Variants in GREB1 observed in about 807,000 individuals in gnomAD.
GREB1 encodes protein GREB1.
GREB1 carries 106 observed loss-of-function variants against 200.7 expected under a neutral mutation model. The ratio of observed to expected loss-of-function variants is 0.53; its 90% CI spans 0.45 to 0.62. GREB1 has a LOEUF of 0.62. Among genes scored for constraint, GREB1 ranks in the 20% least tolerant of loss-of-function variants. The pLI, the probability that GREB1 is intolerant of heterozygous loss-of-function variation, is 0.00. For missense variants in GREB1, 2,243 were observed against 2,556.8 expected, an observed-to-expected ratio of 0.88 and a Z score of 2.65; for synonymous variants, 1,132 against 1,092.4, an observed-to-expected ratio of 1.04 and a Z score of -0.72.
At chr2:11,595,981 A>T (rs1386467555) in intron 12 of GREB1, 130 bp from the exon 13 acceptor site, 2 of 814,586 alleles carry the variant, frequency 2.5e-6, no homozygotes, top group African/African-American at 3.4e-5. Flanking sequence ...CCTTGACAGG[A>T]CGGGCCATGT....
intron 1 of GREB1, among the ~76,000 whole-genome samples, chr2:11,520,665 C>A (rs949708479): frequency 1.3e-5 from 2 of 152,178 alleles, no homozygotes; most frequent in African/African-American, 4.8e-5. Flanking sequence ...TTACAGATGG[C>A]AAAGTATCTT....
intron 1 of GREB1, among the ~76,000 whole-genome samples, chr2:11,523,115 A>T (rs990709325): frequency 3.9e-5 from 6 of 152,204 alleles, no homozygotes; most frequent in Admixed American, 1.3e-4. Context: ...TCCTTAGCAG[A>T]CTAACACAGG....
chr2:11,490,621 T>C (rs962800041), intron 1 of GREB1, among the ~76,000 whole-genome samples: 1 of 152,228 alleles, frequency 6.6e-6, no homozygotes, highest in Non-Finnish European at 1.5e-5. Flanking sequence ...CCATCTCAGC[T>C]CACTGCAACC....
In GREB1 at chr2:11,578,943, C is replaced by T. The variant is rs570491478; in HGVS notation, c.772+512C>T. On this transcript the variant is annotated intron_variant, in intron 6 of 32. Coordinates refer to ENST00000381486, the MANE Select transcript of GREB1 (RefSeq NM_014668.4). Reference sequence around the variant, plus strand: ...GGTGCTTGCCTAGGACCTCGTGGGCCGGAGGAGGTGGAGGCAAGAGGTGAC... The same window carrying T: ...GGTGCTTGCCTAGGACCTCGTGGGCTGGAGGAGGTGGAGGCAAGAGGTGAC... Among the ~76,000 whole-genome samples the T allele has an allele frequency of 4.6e-5, 7 of 152,216 alleles. No homozygotes were observed. The East Asian group carries it at 5.8e-4, about 13-fold the overall frequency.
At chr2:11,587,856 A>T in intron 9 of GREB1, 1 of 1,017,314 alleles carries the variant, frequency 9.8e-7, no homozygotes, top group Non-Finnish European at 1.2e-6. Context: ...GCTTAGCATC[A>T]TGTAGGTAAA....
intron 15 of GREB1, 35 bp from the exon 16 acceptor site, chr2:11,600,765 A>T: frequency 6.5e-7 from 1 of 1,548,190 alleles, no homozygotes; most frequent in Non-Finnish European, 8.9e-7. Context: ...AAAACAATAT[A>T]GTAATTCCAC....
intron 13 of GREB1, 147 bp downstream of exon 13, chr2:11,596,386 A>T: frequency 6.5e-5 from 11 of 168,652 alleles, no homozygotes; most frequent in South Asian, 1.2e-4. Context: ...GTGTATAGTG[A>T]GGGGGGACGG....
chr2:11,505,469 A>G (rs968741989), intron 1 of GREB1, among the ~76,000 whole-genome samples: 1 of 152,124 alleles, frequency 6.6e-6, no homozygotes, highest in South Asian at 2.1e-4. Context: ...CAGCTCTTCT[A>G]TACTTCCCTG....
intron 1 of GREB1, among the ~76,000 whole-genome samples, chr2:11,527,008 C>T (rs1673899780): frequency 6.6e-6 from 1 of 152,074 alleles, no homozygotes; most frequent in Admixed American, 6.5e-5. Flanking sequence ...ATGCCTCATC[C>T]TCCCTACACA....
At chr2:11,531,534 G>C (rs551676743), upstream of GREB1, among the ~76,000 whole-genome samples, 7 of 152,040 alleles carry the variant, frequency 4.6e-5, no homozygotes, top group East Asian at 1.4e-3. Context: ...TATAATTCTT[G>C]CTTTTATTTT....
At chr2:11,559,962 G>A (rs1378897246) in intron 2 of GREB1, among the ~76,000 whole-genome samples, 1 of 152,154 alleles carries the variant, frequency 6.6e-6, no homozygotes, top group Admixed American at 6.6e-5. Flanking sequence ...CTTCCCACCT[G>A]CTGGAAACGT....
chr2:11,568,827 G>A (rs1677966047), intron 4 of GREB1, among the ~76,000 whole-genome samples: 1 of 152,228 alleles, frequency 6.6e-6, no homozygotes, highest in South Asian at 2.1e-4. Context: ...CATCTGAAAT[G>A]GGTGACAAGG....
At chr2:11,610,641 C>A in intron 17 of GREB1, 47 bp from the exon 18 acceptor site, 3 of 1,431,404 alleles carry the variant, frequency 2.1e-6, no homozygotes, top group Non-Finnish European at 1.9e-6. Context: ...AGCAGCAGGC[C>A]GGTGGGCGCG....
In GREB1 at chr2:11,610,712, G is replaced by A; in HGVS notation, c.2691G>A (p.Val897=). Residue 897 remains valine, a synonymous_variant, in exon 18 of 33, where the codon GTG becomes GTA. Transcript: ENST00000381486. ...GKRFPRLHSA[V]IRTFVLVQHY... ...GGTTCCCCCGCCTGCACAGCGCGGTGATCAGGACCTTTGTTCTCGTGCAGC... is the reference window on the plus strand; with the variant it reads ...GGTTCCCCCGCCTGCACAGCGCGGTAATCAGGACCTTTGTTCTCGTGCAGC... 4 of 1,613,124 alleles carry A rather than the reference G, an allele frequency of 2.5e-6. No individual in the cohort carries two copies. The highest frequency in any genetic ancestry group is 3.4e-6 in the Non-Finnish European group (4 of 1,179,940).
At chr2:11,487,563 CTG>C (rs1011729323) in intron 1 of GREB1, among the ~76,000 whole-genome samples, 2 of 152,208 alleles carry the variant, frequency 1.3e-5, no homozygotes, top group African/African-American at 4.8e-5. Flanking sequence ...GTGTGAGAGA[CTG>C]AGCCCTTCAG....
rs746195441 is a variant in GREB1, at chr2:11,592,884, C to A, written c.1454C>A (p.Pro485His). The A allele has an allele frequency of 1.1e-5, 17 of 1,598,722 alleles. No individual in the cohort carries two copies. Among genetic ancestry groups the A allele is most frequent in the Non-Finnish European group, 1.4e-5 (16 of 1,173,952 alleles). The stretch of plus-strand genomic sequence containing the variant: ...CAGTACCAGCAGGCGCCGCCGCAGC[C>A]CTTCCCGCCCGCGCCCAGCGCCGCG... Reference protein sequence around the residue: ...IRQYQQAPPQPFPPAPSAAAP... With the variant: ...IRQYQQAPPQHFPPAPSAAAP... The change falls in exon 11 of 33, where the codon CCC becomes CAC. Residue 485 changes from proline (P) to histidine (H), a missense_variant. Transcript: ENST00000381486.
At chr2:11,588,083 G>A (rs1405144593) in intron 9 of GREB1, 17 of 481,402 alleles carry the variant, frequency 3.5e-5, no homozygotes, top group South Asian at 2.6e-4. Flanking sequence ...AAAATTGGCC[G>A]GGTGTGGTGG....
intron 11 of GREB1, among the ~76,000 whole-genome samples, chr2:11,593,529 C>T (rs1680938406): frequency 6.6e-6 from 1 of 152,176 alleles, no homozygotes; most frequent in African/African-American, 2.4e-5. Flanking sequence ...CTCTGTTGCC[C>T]AGGCTGGAGT....
At chr2:11,555,154 T>C (rs915902986) in intron 1 of GREB1, among the ~76,000 whole-genome samples, 3 of 152,154 alleles carry the variant, frequency 2.0e-5, no homozygotes, top group African/African-American at 7.2e-5. Flanking sequence ...TTTGAAAAGT[T>C]TGGAAAAAGT....
Sources: allele counts gnomAD v4.1 joint callset (sites outside exome capture counted in the v4.1 genomes callset), GRCh38; gene constraint gnomAD v4.1.1; transcripts MANE v1.5; gene names NCBI Gene and HGNC (gene_info 2026-07-23, HGNC 2026-07-21).